Variants in SNTG2 observed in about 807,000 individuals in gnomAD.
The protein encoded by SNTG2 is syntrophin gamma 2.
Under a neutral mutation model 70.9 loss-of-function variants are expected in SNTG2, and 74 were observed. The ratio of observed to expected loss-of-function variants is 1.04; its 90% CI spans 0.86 to 1.27. The LOEUF (loss-of-function observed/expected upper bound fraction) is 1.27, where lower values mean the gene tolerates loss of function less well. SNTG2 is among the 50% of genes most tolerant of loss of function. SNTG2 has a pLI of 0.00. For synonymous variants in SNTG2, 278 were observed against 273.8 expected (o/e 1.02, Z -0.15); for missense variants, 717 against 690.7 (o/e 1.04, Z -0.43).
At chr2:994,834 G>T (rs1042201184) in intron 1 of SNTG2, among the ~76,000 whole-genome samples, 2 of 151,042 alleles carry the variant, frequency 1.3e-5, no homozygotes, top group Non-Finnish European at 3.0e-5. Flanking sequence ...CCTATAAATA[G>T]AATTATTTCC....
At chr2:1,272,585 C>A (rs1679087135) in intron 14 of SNTG2, among the ~76,000 whole-genome samples, 1 of 149,346 alleles carries the variant, frequency 6.7e-6, no homozygotes, top group South Asian at 2.1e-4. Context: ...AAGGATATCC[C>A]AGGGAGCAGG....
At chr2:1,230,662 G>A (rs1177276517) in intron 9 of SNTG2, among the ~76,000 whole-genome samples, 1 of 152,186 alleles carries the variant, frequency 6.6e-6, no homozygotes, top group Non-Finnish European at 1.5e-5. Flanking sequence ...CCAGATCCAT[G>A]GGTCCCACCT....
At chr2:1,170,404 C>A (rs1057123823) in intron 7 of SNTG2, among the ~76,000 whole-genome samples, 1 of 152,182 alleles carries the variant, frequency 6.6e-6, no homozygotes, top group Non-Finnish European at 1.5e-5. Flanking sequence ...CCCCAGCCCT[C>A]GGCAGCCGGG....
At chr2:1,194,109 A>G (rs1032513861) in intron 8 of SNTG2, among the ~76,000 whole-genome samples, 1 of 152,254 alleles carries the variant, frequency 6.6e-6, no homozygotes, top group African/African-American at 2.4e-5. Context: ...TGTTGGAAGT[A>G]GCAAAAGAGT....
intron 2 of SNTG2, among the ~76,000 whole-genome samples, chr2:1,086,318 C>T (rs1469326760): frequency 6.6e-6 from 1 of 152,212 alleles, no homozygotes; most frequent in East Asian, 1.9e-4. Context: ...CTCTCGCTCT[C>T]TCTGTCTCTC....
intron 14 of SNTG2, among the ~76,000 whole-genome samples, chr2:1,307,663 A>G (rs1357414381): frequency 6.6e-6 from 1 of 152,092 alleles, no homozygotes; most frequent in African/African-American, 2.4e-5. Flanking sequence ...TATTACAGAG[A>G]TTGTTAAAAA....
At chr2:1,286,571 T>G (rs191752898) in intron 14 of SNTG2, among the ~76,000 whole-genome samples, 52 of 152,318 alleles carry the variant, frequency 3.4e-4, no homozygotes, top group Non-Finnish European at 4.4e-4. Flanking sequence ...GATAAGGTAT[T>G]CTGTGAGTCC....
chr2:1,278,540 T>C (rs566511957), intron 14 of SNTG2, among the ~76,000 whole-genome samples: 10 of 152,304 alleles, frequency 6.6e-5, no homozygotes, highest in Admixed American at 4.6e-4. Flanking sequence ...TTTAAAAAAA[T>C]TTTAGATTCC....
chr2:1,191,751 T>G (rs1019141587), intron 8 of SNTG2, among the ~76,000 whole-genome samples: 1 of 152,144 alleles, frequency 6.6e-6, no homozygotes, highest in African/African-American at 2.4e-5. Flanking sequence ...GCCGACATCG[T>G]GCCACTGCAC....
At chr2:951,696 CAG>C (rs975112096) in intron 1 of SNTG2, among the ~76,000 whole-genome samples, 7 of 152,204 alleles carry the variant, frequency 4.6e-5, no homozygotes, top group African/African-American at 1.7e-4. Context: ...TGACAGAAAA[CAG>C]AAATGTTGGC....
At chr2:971,182 G>T (rs6548292) in intron 1 of SNTG2, among the ~76,000 whole-genome samples, 64,182 of 151,952 alleles carry the variant, frequency 0.42, 14,156 homozygotes, top group Middle Eastern at 0.51. Flanking sequence ...TCCTTCTTCT[G>T]CAATGTTTTG....
At chr2:977,715 C>T (rs950190619) in intron 1 of SNTG2, among the ~76,000 whole-genome samples, 5 of 152,094 alleles carry the variant, frequency 3.3e-5, no homozygotes, top group Admixed American at 2.0e-4. Context: ...CTCACTGTGC[C>T]TCACCTTAAC....
intron 1 of SNTG2, among the ~76,000 whole-genome samples, chr2:1,039,359 A>C (rs1661302324): frequency 6.6e-6 from 1 of 152,228 alleles, no homozygotes; most frequent in African/African-American, 2.4e-5. Context: ...CGTCTATTTT[A>C]AATAACATTG....
chr2:1,306,709 T>TGTGTGTGTGTGTGTGC (rs1298537166), intron 14 of SNTG2, among the ~76,000 whole-genome samples: 1 of 150,366 alleles, frequency 6.7e-6, no homozygotes, highest in South Asian at 2.1e-4. Flanking sequence ...TGTGTGTGTG[T>TGTGTGTGTGTGTGTGC]GCCATGCACT....
At chr2:1,126,655 A>C (rs1667714674) in intron 4 of SNTG2, among the ~76,000 whole-genome samples, 1 of 152,138 alleles carries the variant, frequency 6.6e-6, no homozygotes, top group Non-Finnish European at 1.5e-5. Flanking sequence ...TGGTCTATTT[A>C]GTAATAACCA....
chr2:1,170,461 G>T (rs1478815530), intron 7 of SNTG2, among the ~76,000 whole-genome samples: 1 of 152,126 alleles, frequency 6.6e-6, no homozygotes, highest in East Asian at 1.9e-4. Flanking sequence ...GGCCTTGAAG[G>T]CCAGGCCCAG....
At chr2:1,130,726 T>C (rs945662748) in intron 4 of SNTG2, among the ~76,000 whole-genome samples, 1 of 152,210 alleles carries the variant, frequency 6.6e-6, no homozygotes, top group African/African-American at 2.4e-5. Context: ...AGAGGCTTGA[T>C]TCATTTGCTA....
chr2:1,201,682 T>A (rs532254004), intron 8 of SNTG2, among the ~76,000 whole-genome samples: 3 of 152,114 alleles, frequency 2.0e-5, no homozygotes, highest in Non-Finnish European at 4.4e-5. Context: ...TACCTTGTTT[T>A]GATCATTATG....
chr2:1,234,384 T>C (rs1339892346), intron 9 of SNTG2, among the ~76,000 whole-genome samples: 3 of 152,234 alleles, frequency 2.0e-5, no homozygotes, highest in Non-Finnish European at 4.4e-5. Context: ...ACAGTTTCTG[T>C]TCATTTGATA....
Sources: gnomAD v4.1 joint callset for allele counts (sites outside exome capture counted in the v4.1 genomes callset) on GRCh38, gnomAD v4.1.1 for gene constraint, MANE v1.5 for transcripts, NCBI Gene and HGNC (gene_info 2026-07-23, HGNC 2026-07-21) for gene names.